The following AK2 variants were observed in gnomAD, a reference collection of about 807,000 sequenced individuals.
The protein encoded by AK2 is adenylate kinase 2, mitochondrial.
Under a neutral mutation model 24.6 loss-of-function variants are expected in AK2, and 15 were observed. The observed-to-expected ratio is 0.61, with a 90% CI of 0.41 to 0.94. AK2 has a LOEUF of 0.94. Among genes scored for constraint, AK2 ranks in the 40% least tolerant of loss-of-function variants. The pLI is 0.00. For missense variants in AK2, 257 were observed against 304.1 expected, an observed-to-expected ratio of 0.85 and a Z score of 1.15; for synonymous variants, 102 against 114.0, an observed-to-expected ratio of 0.90 and a Z score of 0.67.
chr1:33,036,872 G>A lies in AK2; in HGVS notation c.-44C>T. The A allele has an allele frequency of 2.0e-6, 3 of 1,505,806 alleles. No individual in the cohort carries two copies. The highest frequency in any genetic ancestry group is 2.7e-6 in the Non-Finnish European group (3 of 1,103,486). The allele number at this position is 1,505,806 out of a possible 1,614,324, so 93.3% of individuals were successfully genotyped here. ...CTGCCACCAGTTCGCACGCCTCACA[G>A]GTCCAGTGCTTCCCAGGTCAACGCA... On this transcript the variant is annotated 5_prime_UTR_variant, in exon 1 of 6. Transcript: ENST00000672715.
Position 33,011,945 on chromosome 1 carries a change from T to G in AK2, c.*1236A>C. ...TAAAAAGAACATATCTGATTTCAGT[T>G]TTATGTCCTGGAGAGAGACTGGGTT... is the stretch of plus-strand genomic sequence containing the variant. On this transcript the variant is annotated 3_prime_UTR_variant, in exon 6 of 6. Transcript: ENST00000672715. The G allele has an allele frequency of 6.5e-7, 1 of 1,534,102 alleles. No homozygotes were observed. The highest frequency in any genetic ancestry group is 8.7e-7 in the Non-Finnish European group (1 of 1,146,366).
chr1:33,024,575 G>A lies in AK2; in HGVS notation c.94-8C>T. ...TTCAGCCAATCTGGGTGCCTACAGA[G>A]AGGAAGACAAAAACCAAGATTCAAT... is the stretch of plus-strand genomic sequence containing the variant. On this transcript the variant is annotated splice_region_variant and splice_polypyrimidine_tract_variant and intron_variant, in intron 1 of 5. Coordinates refer to ENST00000672715, the MANE Select transcript of AK2 (RefSeq NM_001625.4). 2.5e-6 allele frequency: 4 copies of A among 1,614,174 alleles called. No individual in the cohort carries two copies. The highest frequency in any genetic ancestry group is 2.2e-5 in the South Asian group (2 of 91,082).
intron 1 of AK2, among the ~76,000 whole-genome samples, chr1:33,025,188 C>CAAAAAAAAAAAAAAAAAAAAAAAAAAAA: frequency 1.5e-5 from 1 of 68,404 alleles, no homozygotes; most frequent in Non-Finnish European, 2.8e-5. Context: ...GACTTCGTCT[C>CAAAAAAAAAAAAAAAAAAAAAAAAAAAA]AAAAAAAAAA....
At chr1:33,023,436 AAGT>A (rs1459585917) in intron 2 of AK2, among the ~76,000 whole-genome samples, 1 of 149,462 alleles carries the variant, frequency 6.7e-6, no homozygotes, top group Non-Finnish European at 1.5e-5. Flanking sequence ...ACAACAACAA[AAGT>A]AGCAGGGCAT....
intron 1 of AK2, among the ~76,000 whole-genome samples, chr1:33,025,598 A>C (rs1403560400): frequency 3.3e-5 from 5 of 152,388 alleles, no homozygotes; most frequent in African/African-American, 1.2e-4. Context: ...TTTAGGAGGC[A>C]TTATAGTGTT....
chr1:33,009,170 T>TA lies in AK2; in HGVS notation c.*4010dup. Reference sequence around the variant, plus strand: ...CTGCCTCTCTCTGTAACAAGATGCCTAAAGAAGAATAGTGGTGCTTCCAGC... The same window carrying TA: ...CTGCCTCTCTCTGTAACAAGATGCCTAAAAGAAGAATAGTGGTGCTTCCAGC... On this transcript the variant is annotated 3_prime_UTR_variant, in exon 6 of 6. Coordinates refer to ENST00000672715, the MANE Select transcript of AK2 (RefSeq NM_001625.4). The TA allele has an allele frequency of 2.2e-6, 1 of 452,642 alleles. No individual in the cohort carries two copies. Among genetic ancestry groups the TA allele is most frequent in the Non-Finnish European group, 4.4e-6 (1 of 226,074 alleles). 28.0% of individuals were successfully genotyped at this position (452,642 alleles called of 1,614,324 possible). A position where few individuals can be genotyped will look rare whatever the true frequency, so the allele number is the denominator to read the frequency against.
intron 1 of AK2, among the ~76,000 whole-genome samples, chr1:33,025,730 G>A (rs1256013323): frequency 6.6e-6 from 1 of 152,136 alleles, no homozygotes; most frequent in African/African-American, 2.4e-5. Context: ...TTTCCTCTAA[G>A]TAAAATGGAG....
Position 33,036,778 on chromosome 1 carries a change from C to T in AK2, c.51G>A (p.Arg17=), listed in dbSNP as rs1640614971. The T allele has an allele frequency of 6.3e-7, 1 of 1,599,996 alleles. No homozygotes were observed. The highest frequency in any genetic ancestry group is 8.5e-7 in the Non-Finnish European group (1 of 1,173,798). ...AAEPEYPKGI[R]AVLLGPPGAG... ...CCCCGGGAGGCCCCAGCAGCACGGC[C>T]CGGATGCCTTTAGGATACTCGGGTT... is the stretch of plus-strand genomic sequence containing the variant. Residue 17 remains arginine, a synonymous_variant, in exon 1 of 6, where the codon CGG becomes CGA. Transcript: ENST00000672715.
At chr1:33,021,520 C>G (rs1204358331) in intron 3 of AK2, 59 bp from the exon 4 acceptor site, 1 of 1,605,608 alleles carries the variant, frequency 6.2e-7, no homozygotes, top group African/African-American at 1.3e-5. Flanking sequence ...CCATCTCCTT[C>G]AAAGGAATTA....
chr1:33,028,278 C>A (rs766633386), intron 1 of AK2, among the ~76,000 whole-genome samples: 2 of 151,996 alleles, frequency 1.3e-5, no homozygotes, highest in African/African-American at 2.4e-5. Context: ...CCGAAGCAGG[C>A]GGATCATCTG....
intron 1 of AK2, 91 bp downstream of exon 1, chr1:33,036,645 G>A: frequency 2.4e-6 from 3 of 1,261,292 alleles, no homozygotes; most frequent in Non-Finnish European, 3.4e-6. Context: ...TCCCCGGCCC[G>A]CTCCGGGCAG....
chr1:33,011,349 C>T lies in AK2; in HGVS notation c.*1832G>A. The T allele has an allele frequency of 2.3e-6, 3 of 1,287,966 alleles. No homozygotes were observed. The highest frequency in any genetic ancestry group is 2.5e-5 in the South Asian group (2 of 80,946). 79.8% of individuals were successfully genotyped at this position (1,287,966 alleles called of 1,614,324 possible). ...GCCCATTCCCAGAAGTCATGTGCTT[C>T]CCAGAAACACACAAAGCCAGACTGA... On this transcript the variant is annotated 3_prime_UTR_variant, in exon 6 of 6. Transcript: ENST00000672715.
At chr1:33,032,655 G>A (rs1435347825) in intron 1 of AK2, among the ~76,000 whole-genome samples, 1 of 152,138 alleles carries the variant, frequency 6.6e-6, no homozygotes, top group Non-Finnish European at 1.5e-5. Flanking sequence ...CAGAGACAAG[G>A]AAATACCATG....
chr1:33,014,450 T>C, intron 5 of AK2, 72 bp downstream of exon 5: 2 of 1,219,652 alleles, frequency 1.6e-6, no homozygotes, highest in Admixed American at 1.7e-5. Context: ...ATGGAAAGAA[T>C]AAAGGAAAAA....
At chr1:33,024,355 G>C in intron 2 of AK2, 87 bp downstream of exon 2, 1 of 1,555,736 alleles carries the variant, frequency 6.4e-7, no homozygotes. Context: ...AATCTAAATA[G>C]CCACCTGTGG....
chr1:33,032,694 C>G lies in AK2; in HGVS notation c.93+4042G>C, dbSNP rs556236787. The stretch of plus-strand genomic sequence containing the variant: ...CTCCTCAGGGAGAGCACAGCACCCA[C>G]CACCTGTGAAGTAGTTGGGCCAAAA... On this transcript the variant is annotated intron_variant, in intron 1 of 5. Transcript: ENST00000672715. 7.9e-5 allele frequency among the ~76,000 whole-genome samples: 12 copies of G among 152,266 alleles called. No homozygotes were observed. In the East Asian group the frequency reaches 2.3e-3, roughly 29 times the overall value.
Position 33,011,184 on chromosome 1 carries a change from T to C in AK2, c.*1997A>G, listed in dbSNP as rs902881792. On this transcript the variant is annotated 3_prime_UTR_variant, in exon 6 of 6. Transcript: ENST00000672715. ...TAAAATTAGCAAACATTCAAGAACC[T>C]CAACTTTGAGGCCAAGTGCTTACAA... is the stretch of plus-strand genomic sequence containing the variant. 1.4e-5 allele frequency: 18 copies of C among 1,311,196 alleles called. No individual in the cohort carries two copies. Among genetic ancestry groups the C allele is most frequent in the Non-Finnish European group, 1.8e-5 (18 of 1,017,608 alleles). 81.2% of individuals were successfully genotyped at this position (1,311,196 alleles called of 1,614,324 possible).
rs114348643 is a variant in AK2 at position 33,028,392 on chromosome 1, G to A, written c.94-3825C>T. On this transcript the variant is annotated intron_variant, in intron 1 of 5. Coordinates refer to ENST00000672715, the MANE Select transcript of AK2 (RefSeq NM_001625.4). Reference sequence around the variant, plus strand: ...GTGGCATAATCCCAGTTACTAGGGAGGCAGAGGCAGAAGAATCGCTTAAAA... The same window carrying A: ...GTGGCATAATCCCAGTTACTAGGGAAGCAGAGGCAGAAGAATCGCTTAAAA... Among the ~76,000 whole-genome samples the A allele has an allele frequency of 1.2e-3, 178 of 152,138 alleles. 2 individuals carry two copies. Among genetic ancestry groups the A allele is most frequent in the African/African-American group, 4.1e-3 (169 of 41,486 alleles).
chr1:33,018,726 C>T (rs1639347532), intron 4 of AK2, among the ~76,000 whole-genome samples: 1 of 152,172 alleles, frequency 6.6e-6, no homozygotes, highest in African/African-American at 2.4e-5. Flanking sequence ...GTTTGTTCTT[C>T]AGAATCTCTC....
Sources: gnomAD v4.1 joint callset for allele counts (sites outside exome capture counted in the v4.1 genomes callset) on GRCh38, gnomAD v4.1.1 for gene constraint, MANE v1.5 for transcripts, NCBI Gene and HGNC (gene_info 2026-07-23, HGNC 2026-07-21) for gene names.